Variants in GLOD4 observed in about 807,000 individuals in gnomAD.
The protein encoded by GLOD4 is glyoxalase domain containing 4.
In GLOD4, 44 loss-of-function variants were observed where a neutral mutation model predicts 39.1. The observed-to-expected ratio is 1.13, with a 90% CI of 0.88 to 1.45. The LOEUF (loss-of-function observed/expected upper bound fraction) is 1.45. Ranked by LOEUF, GLOD4 falls within the 40% of genes most tolerant of loss-of-function variation. The probability of loss-of-function intolerance (pLI) is 0.00; values close to 1 mark genes in which losing one functional copy is unlikely to be tolerated. For synonymous variants in GLOD4, 145 were observed against 135.0 expected (o/e 1.07, Z -0.52); for missense variants, 405 against 366.4 (o/e 1.11, Z -0.86).
At chr17:762,411 C>T (rs1905620798) in intron 8 of GLOD4, among the ~76,000 whole-genome samples, 1 of 152,248 alleles carries the variant, frequency 6.6e-6, no homozygotes. Context: ...AGGCTTCCAT[C>T]CAGGCCCCGG....
At chr17:763,527 T>C (rs893138975) in intron 8 of GLOD4, 1 of 152,004 alleles carries the variant, frequency 6.6e-6, no homozygotes, top group Non-Finnish European at 1.5e-5. Context: ...TCTCAAAAAA[T>C]AAATAAATAA....
intron 8 of GLOD4, among the ~76,000 whole-genome samples, chr17:766,160 T>C (rs1322693777): frequency 6.6e-6 from 1 of 151,536 alleles, no homozygotes; most frequent in African/African-American, 2.4e-5. Flanking sequence ...TAGCCAGGCA[T>C]GGTGGCGCAC....
At chr17:782,379 A>G, upstream of GLOD4, 5 of 1,613,620 alleles carry the variant, frequency 3.1e-6, no homozygotes, top group South Asian at 2.2e-5. Context: ...CTCAGGGAAC[A>G]TGGCGGCGCT....
rs559251323 is a variant in GLOD4 at position 769,300 on chromosome 17, G to A, written c.831+569C>T. ...GGAGAGCTGAGGGGAACGGATGGAG[G>A]CATCTCCATGGCAAGAGCTGAGGGG... On this transcript the variant is annotated intron_variant, in intron 8 of 8. Coordinates refer to ENST00000301329, the MANE Select transcript of GLOD4 (RefSeq NM_016080.4). Among the ~76,000 whole-genome samples the A allele has an allele frequency of 3.4e-5, 5 of 147,014 alleles. No homozygotes were observed. In the East Asian group the frequency reaches 1.0e-3, roughly 30 times the overall value.
intron 8 of GLOD4, chr17:763,570 T>C (rs145840914): frequency 6.6e-6 from 1 of 152,244 alleles, no homozygotes; most frequent in Non-Finnish European, 1.5e-5. Context: ...CGTACCGATA[T>C]AGTAGCATTT....
chr17:765,206 G>C (rs1483226433), intron 8 of GLOD4: 3 of 150,860 alleles, frequency 2.0e-5, no homozygotes, highest in Non-Finnish European at 4.4e-5. Flanking sequence ...GGAACTTCCT[G>C]GGAAAATGGT....
chr17:773,005 A>T (rs1001186914), intron 4 of GLOD4, among the ~76,000 whole-genome samples: 1 of 152,138 alleles, frequency 6.6e-6, no homozygotes, highest in African/African-American at 2.4e-5. Context: ...AAAAAAAAAA[A>T]AAAAATTTCA....
intron 4 of GLOD4, among the ~76,000 whole-genome samples, chr17:772,188 A>C (rs931260328): frequency 2.8e-4 from 2 of 7,202 alleles, no homozygotes; most frequent in South Asian, 0.011. Flanking sequence ...CCCTATCTCG[A>C]AAAAAAAAAA....
rs770654132 is a variant in GLOD4, at chr17:775,938, C to A, written c.262-19G>T. 4 of 1,602,822 alleles carry A rather than the reference C, an allele frequency of 2.5e-6. No individual in the cohort carries two copies. The stretch of plus-strand genomic sequence containing the variant: ...TGATTCCCTACAACAAACAACAGTA[C>A]ATCCAAGTACATGATCACAACAGAT... On this transcript the variant is annotated intron_variant, in intron 3 of 8. Transcript: ENST00000301329.
chr17:784,385 C>G (rs1028813948), upstream of GLOD4, among the ~76,000 whole-genome samples: 1 of 152,220 alleles, frequency 6.6e-6, no homozygotes, highest in African/African-American at 2.4e-5. Context: ...CATATTCTCA[C>G]TAGCTACAGC....
intron 4 of GLOD4, among the ~76,000 whole-genome samples, chr17:772,104 G>A (rs188836346): frequency 9.0e-5 from 13 of 145,140 alleles, no homozygotes; most frequent in African/African-American, 2.8e-4. Flanking sequence ...CAGGAGGATC[G>A]CTTGAGCCCG....
At chr17:776,044 C>A in intron 3 of GLOD4, 125 bp from the exon 4 acceptor site, 1 of 686,968 alleles carries the variant, frequency 1.5e-6, no homozygotes, top group East Asian at 2.6e-5. Flanking sequence ...AACTGGCATC[C>A]AACATTTTCT....
At chr17:761,292 G>A (rs1039850415) in intron 8 of GLOD4, among the ~76,000 whole-genome samples, 1 of 152,156 alleles carries the variant, frequency 6.6e-6, no homozygotes, top group Non-Finnish European at 1.5e-5. Context: ...GAAGGTGAAA[G>A]TGGCTGTCCT....
upstream of GLOD4, chr17:783,641 A>C (rs139059020): frequency 2.6e-3 from 652 of 254,370 alleles, 5 homozygotes; most frequent in African/African-American, 0.013. Flanking sequence ...CTGGCCTTAC[A>C]CAGTGTATCT....
At chr17:769,387 G>A (rs547987440) in intron 8 of GLOD4, among the ~76,000 whole-genome samples, 5 of 148,814 alleles carry the variant, frequency 3.4e-5, no homozygotes, top group Admixed American at 6.6e-5. Flanking sequence ...TCTCCATGGG[G>A]AGAGCTGAGG....
chr17:764,580 A>G (rs1906117823), intron 8 of GLOD4: 1 of 152,222 alleles, frequency 6.6e-6, no homozygotes, highest in Non-Finnish European at 1.5e-5. Flanking sequence ...AATAGATTAA[A>G]AAATCTAGAA....
At chr17:776,608 C>T (rs963164778) in intron 3 of GLOD4, among the ~76,000 whole-genome samples, 1 of 152,216 alleles carries the variant, frequency 6.6e-6, no homozygotes, top group African/African-American at 2.4e-5. Flanking sequence ...ACCACGCTCC[C>T]CTCTCGTTCT....
chr17:782,139 C>G, intron 1 of GLOD4, 27 bp downstream of exon 1: 3 of 1,548,482 alleles, frequency 1.9e-6, no homozygotes, highest in Non-Finnish European at 2.6e-6. Flanking sequence ...GCCTCGCGCG[C>G]CAGCCCCTGT....
chr17:780,918 T>G (rs997442570), intron 1 of GLOD4, among the ~76,000 whole-genome samples: 2 of 97,866 alleles, frequency 2.0e-5, no homozygotes, highest in Non-Finnish European at 4.2e-5. Flanking sequence ...GTGTTGAATC[T>G]TTTTTTTTTT....
Sources: gnomAD v4.1 joint callset for allele counts (sites outside exome capture counted in the v4.1 genomes callset) on GRCh38, gnomAD v4.1.1 for gene constraint, MANE v1.5 for transcripts, NCBI Gene and HGNC (gene_info 2026-07-23, HGNC 2026-07-21) for gene names.